GPC5: variants seen among roughly 807,000 people sequenced by gnomAD.
GPC5 encodes glypican-5.
Under a neutral mutation model 53.9 loss-of-function variants are expected in GPC5, and 47 were observed. The ratio of observed to expected loss-of-function variants is 0.87; its 90% CI spans 0.69 to 1.11. The LOEUF (loss-of-function observed/expected upper bound fraction) is 1.11. Among genes scored for constraint, GPC5 ranks in the 50% most tolerant of loss-of-function variants. GPC5 has a pLI of 0.00. For synonymous variants in GPC5, 286 were observed against 263.3 expected (o/e 1.09, Z -0.84); for missense variants, 748 against 713.1 (o/e 1.05, Z -0.56).
At chr13:92,401,121 A>G (rs1875536610) in intron 7 of GPC5, among the ~76,000 whole-genome samples, 2 of 152,048 alleles carry the variant, frequency 1.3e-5, no homozygotes, top group African/African-American at 4.8e-5. Context: ...TTGGCCAATA[A>G]TTTATACACT....
chr13:92,345,830 G>T (rs930169152), intron 7 of GPC5, among the ~76,000 whole-genome samples: 8 of 152,144 alleles, frequency 5.3e-5, no homozygotes, highest in African/African-American at 1.9e-4. Context: ...TACCTAAACT[G>T]CCTGAGGTCA....
chr13:92,436,571 C>T (rs1160654417), intron 7 of GPC5, among the ~76,000 whole-genome samples: 1 of 152,156 alleles, frequency 6.6e-6, no homozygotes, highest in Non-Finnish European at 1.5e-5. Context: ...CTCATCCTTC[C>T]ACAATCTGAA....
intron 7 of GPC5, among the ~76,000 whole-genome samples, chr13:92,245,417 C>T (rs1243655121): frequency 3.3e-5 from 5 of 152,158 alleles, no homozygotes; most frequent in Admixed American, 1.3e-4. Flanking sequence ...ACATACTTTT[C>T]TAAGAATAAG....
chr13:92,257,426 T>G (rs897107950), intron 7 of GPC5, among the ~76,000 whole-genome samples: 2 of 152,112 alleles, frequency 1.3e-5, no homozygotes, highest in South Asian at 4.1e-4. Flanking sequence ...ATGTTTTTAC[T>G]TATATCTTAA....
chr13:91,579,624 C>CTTTTTTTTTTTTTTTTTTTT (rs3055895), intron 2 of GPC5, among the ~76,000 whole-genome samples: 23 of 102,602 alleles, frequency 2.2e-4, no homozygotes, highest in Admixed American at 4.5e-4. Flanking sequence ...TTTTCTTTTT[C>CTTTTTTTTTTTTTTTTTTTT]TTTTTTTTTT....
At position 91,439,012 on chromosome 13, in the gene GPC5, A is replaced by C. The variant is rs113096552; in HGVS notation, c.164-9749A>C. The stretch of plus-strand genomic sequence containing the variant: ...GCTGTTTGCTCAGTAGGAAATGCAG[A>C]AATTACCCGTCTTCTGTGTCGCTCA... On this transcript the variant is annotated intron_variant, in intron 1 of 7. Coordinates refer to ENST00000377067, the MANE Select transcript of GPC5 (RefSeq NM_004466.6). 8.4e-3 allele frequency among the ~76,000 whole-genome samples: 1,272 copies of C among 152,266 alleles called. 13 individuals are homozygous for C. Among genetic ancestry groups the C allele is most frequent in the African/African-American group, 0.029 (1,196 of 41,554 alleles).
chr13:91,904,741 C>A (rs1418820150), intron 5 of GPC5, among the ~76,000 whole-genome samples: 1 of 151,954 alleles, frequency 6.6e-6, no homozygotes, highest in Non-Finnish European at 1.5e-5. Context: ...GGAGAGGAAG[C>A]TGAGTAAGCC....
At position 92,062,473 on chromosome 13, in the gene GPC5, T is replaced by C. The variant is rs566318875; in HGVS notation, c.1402-82357T>C. Among the ~76,000 whole-genome samples, 6 of 152,118 alleles carry C rather than the reference T, an allele frequency of 3.9e-5. No individual in the cohort carries two copies. In the South Asian group the frequency reaches 1.2e-3, roughly 32 times the overall value. On this transcript the variant is annotated intron_variant, in intron 6 of 7. Transcript: ENST00000377067. ...GGCTATTAGTGGATGTTGTCATCTT[T>C]TATGTAGTAACAAGAAATTTTCCTA...
At chr13:92,695,911 C>A (rs933290618) in intron 7 of GPC5, among the ~76,000 whole-genome samples, 1 of 151,920 alleles carries the variant, frequency 6.6e-6, no homozygotes, top group Non-Finnish European at 1.5e-5. Flanking sequence ...ACCATGTGTT[C>A]TCATTGTCCA....
At chr13:92,343,229 T>G (rs1287495964) in intron 7 of GPC5, among the ~76,000 whole-genome samples, 1 of 152,182 alleles carries the variant, frequency 6.6e-6, no homozygotes, top group African/African-American at 2.4e-5. Flanking sequence ...AAAGTGATAC[T>G]TCACCGTCAG....
At chr13:91,407,989 A>T (rs1566369139) in intron 1 of GPC5, among the ~76,000 whole-genome samples, 1 of 152,186 alleles carries the variant, frequency 6.6e-6, no homozygotes, top group Non-Finnish European at 1.5e-5. Context: ...GTACAGATGC[A>T]TTGTGGAATG....
At chr13:91,771,091 C>T (rs1406597056) in intron 5 of GPC5, among the ~76,000 whole-genome samples, 2 of 152,104 alleles carry the variant, frequency 1.3e-5, no homozygotes, top group Non-Finnish European at 2.9e-5. Context: ...GTCACCCTGC[C>T]ACTAAATGAA....
chr13:92,612,273 C>T (rs185146933), intron 7 of GPC5, among the ~76,000 whole-genome samples: 5 of 152,124 alleles, frequency 3.3e-5, no homozygotes, highest in Non-Finnish European at 5.9e-5. Context: ...AAGCACATCA[C>T]GAATTGTGCT....
At chr13:92,300,889 G>A (rs2043070894) in intron 7 of GPC5, among the ~76,000 whole-genome samples, 1 of 152,136 alleles carries the variant, frequency 6.6e-6, no homozygotes, top group Non-Finnish European at 1.5e-5. Flanking sequence ...GCTAATTGAG[G>A]CATCAGCAAA....
chr13:91,891,966 A>C (rs2039391423), intron 5 of GPC5, among the ~76,000 whole-genome samples: 1 of 152,234 alleles, frequency 6.6e-6, no homozygotes. Context: ...ACTATGGATA[A>C]AAATATAGTA....
chr13:91,404,046 A>G (rs1456409745), intron 1 of GPC5, among the ~76,000 whole-genome samples: 1 of 152,172 alleles, frequency 6.6e-6, no homozygotes, highest in African/African-American at 2.4e-5. Flanking sequence ...TTTAAGAATA[A>G]TATTTTCCAC....
intron 7 of GPC5, among the ~76,000 whole-genome samples, chr13:92,741,708 G>T (rs1209432038): frequency 2.0e-5 from 3 of 151,900 alleles, no homozygotes; most frequent in Non-Finnish European, 4.4e-5. Flanking sequence ...TTTACATTAG[G>T]TATATCTCCT....
At chr13:91,608,437 C>T (rs979488766) in intron 2 of GPC5, among the ~76,000 whole-genome samples, 3 of 152,132 alleles carry the variant, frequency 2.0e-5, no homozygotes, top group Non-Finnish European at 2.9e-5. Context: ...TACCGTGTCC[C>T]TATTTCACAT....
At chr13:91,774,704 A>C (rs1007208534) in intron 5 of GPC5, among the ~76,000 whole-genome samples, 1 of 152,076 alleles carries the variant, frequency 6.6e-6, no homozygotes, top group African/African-American at 2.4e-5. Context: ...CCCCCTCCCT[A>C]CACCCTAGTC....
Sources: gnomAD v4.1 joint callset for allele counts (sites outside exome capture counted in the v4.1 genomes callset) on GRCh38, gnomAD v4.1.1 for gene constraint, MANE v1.5 for transcripts, NCBI Gene and HGNC (gene_info 2026-07-23, HGNC 2026-07-21) for gene names.